Variants in CCDC39 observed in about 807,000 individuals in gnomAD.
CCDC39 encodes the protein coiled-coil domain-containing protein 39.
Under a neutral mutation model 121.0 loss-of-function variants are expected in CCDC39, and 113 were observed. The observed-to-expected ratio is 0.93, with a 90% CI of 0.80 to 1.09. CCDC39 has a LOEUF of 1.09. Among genes scored for constraint, CCDC39 ranks in the 50% least tolerant of loss-of-function variants. The probability of loss-of-function intolerance (pLI) is 0.00; values close to 1 mark genes in which losing one functional copy is unlikely to be tolerated. For synonymous variants in CCDC39, 349 were observed against 352.2 expected, an observed-to-expected ratio of 0.99 and a Z score of 0.10; for missense variants, 1,063 against 1,074.7, an observed-to-expected ratio of 0.99 and a Z score of 0.15.
At chr3:180,630,365 A>G (rs1257729691) in intron 14 of CCDC39, among the ~76,000 whole-genome samples, 4 of 152,116 alleles carry the variant, frequency 2.6e-5, no homozygotes, top group Non-Finnish European at 4.4e-5. Context: ...CTGATTTCTC[A>G]TAGGGAAGGC....
chr3:180,656,997 T>G (rs1324118956), intron 6 of CCDC39, among the ~76,000 whole-genome samples: 2 of 152,192 alleles, frequency 1.3e-5, no homozygotes, highest in Admixed American at 6.5e-5. Context: ...GGAATAGCCA[T>G]TCCTTTATTC....
At chr3:180,623,496 T>G (rs558113556) in intron 14 of CCDC39, among the ~76,000 whole-genome samples, 112 of 152,174 alleles carry the variant, frequency 7.4e-4, no homozygotes, top group African/African-American at 2.7e-3. Flanking sequence ...AACTTTGGTT[T>G]GGTTTTGTTT....
At chr3:180,642,775 C>T (rs570799625) in intron 12 of CCDC39, among the ~76,000 whole-genome samples, 3 of 151,644 alleles carry the variant, frequency 2.0e-5, no homozygotes, top group Non-Finnish European at 2.9e-5. Flanking sequence ...ATGAAATCAA[C>T]GTAACTACTA....
At position 180,659,714 on chromosome 3, in the gene CCDC39, A is replaced by G; in HGVS notation, c.572T>C (p.Ile191Thr). The G allele has an allele frequency of 6.2e-7, 1 of 1,612,706 alleles. No individual in the cohort carries two copies. Among genetic ancestry groups the G allele is most frequent in the Non-Finnish European group, 8.5e-7 (1 of 1,179,378 alleles). The stretch of plus-strand genomic sequence containing the variant: ...AGTCTCTGTAAGTTCGTTGTCAAGT[A>G]TCTTTCTTTTCTGATTACATTCCAA... ...LTLECNQKRK[I>T]LDNELTETIS... Residue 191 changes from isoleucine to threonine, a missense_variant, in exon 5 of 20, where the codon ATA becomes ACA. Ile to Thr is a moderately conservative substitution (Grantham distance 89). Coordinates refer to ENST00000476379, the MANE Select transcript of CCDC39 (RefSeq NM_181426.2).
At chr3:180,631,762 G>A (rs1400008738) in intron 13 of CCDC39, among the ~76,000 whole-genome samples, 170 bp from the exon 14 acceptor site, 4 of 150,822 alleles carry the variant, frequency 2.7e-5, no homozygotes, top group African/African-American at 9.8e-5. Flanking sequence ...TGTTCTTATT[G>A]AAGACATTTG....
At chr3:180,625,314 T>C (rs1717531567) in intron 14 of CCDC39, among the ~76,000 whole-genome samples, 1 of 152,130 alleles carries the variant, frequency 6.6e-6, no homozygotes, top group African/African-American at 2.4e-5. Flanking sequence ...TAGTCTGTTA[T>C]TGACTCTTTC....
At chr3:180,660,011 A>G (rs1010237349) in intron 4 of CCDC39, among the ~76,000 whole-genome samples, 1 of 152,130 alleles carries the variant, frequency 6.6e-6, no homozygotes, top group Non-Finnish European at 1.5e-5. Flanking sequence ...AAAGTAAATT[A>G]GAAAAAAGAT....
chr3:180,655,922 TG>T (rs1026401110), intron 6 of CCDC39, among the ~76,000 whole-genome samples: 3 of 152,238 alleles, frequency 2.0e-5, no homozygotes, highest in Non-Finnish European at 4.4e-5. Context: ...GTGTATTACT[TG>T]CATGTATTCC....
At chr3:180,623,804 C>A (rs530890250) in intron 14 of CCDC39, among the ~76,000 whole-genome samples, 46 of 151,974 alleles carry the variant, frequency 3.0e-4, no homozygotes, top group African/African-American at 1.0e-3. Flanking sequence ...TTTCACTCCA[C>A]TGTGGTCTGA....
At chr3:180,665,722 T>C (rs1431033144) in intron 1 of CCDC39, among the ~76,000 whole-genome samples, 1 of 151,896 alleles carries the variant, frequency 6.6e-6, no homozygotes, top group Non-Finnish European at 1.5e-5. Context: ...AGTCTCTTTA[T>C]TGTTTTCTAA....
intron 2 of CCDC39, among the ~76,000 whole-genome samples, chr3:180,662,656 T>C (rs950838370): frequency 2.0e-5 from 3 of 152,190 alleles, no homozygotes; most frequent in South Asian, 2.1e-4. Flanking sequence ...ACAGAGTCTC[T>C]GCCTCTCCAA....
chr3:180,661,837 T>C, intron 3 of CCDC39, 24 bp downstream of exon 3: 25 of 1,556,922 alleles, frequency 1.6e-5, no homozygotes, highest in Non-Finnish European at 2.2e-5. Flanking sequence ...AGCACAGAAT[T>C]TTAAGTAATA....
In CCDC39 at chr3:180,663,952, T is replaced by A; in HGVS notation, c.125A>T (p.Gln42Leu). Reference sequence around the variant, plus strand: ...CTCTTCATACTCACGTAACTCATCTTGCAAGCTTGCTCTTTCATCCTTCAG... The same window carrying A: ...CTCTTCATACTCACGTAACTCATCTAGCAAGCTTGCTCTTTCATCCTTCAG... ...SKLKDERASL[Q>L]DELREYEERI... is the part of the protein sequence containing the mutation. The change falls in exon 2 of 20, where the codon CAA becomes CTA. Residue 42 changes from glutamine to leucine, a missense_variant. Physicochemically the swap from Gln to Leu is moderately radical, Grantham distance 113. Coordinates refer to ENST00000476379, the MANE Select transcript of CCDC39 (RefSeq NM_181426.2). 6.2e-7 allele frequency: 1 copy of A among 1,612,208 alleles called. No individual in the cohort carries two copies.
chr3:180,663,073 T>A (rs183914006), intron 2 of CCDC39, among the ~76,000 whole-genome samples: 8 of 152,292 alleles, frequency 5.3e-5, no homozygotes, highest in African/African-American at 1.9e-4. Flanking sequence ...TATGTTAACA[T>A]TTCTAAGATG....
intron 7 of CCDC39, among the ~76,000 whole-genome samples, chr3:180,652,669 TAATC>T (rs977280903): frequency 1.8e-4 from 28 of 152,280 alleles, no homozygotes; most frequent in South Asian, 4.1e-4. Context: ...ATTTTACTGT[TAATC>T]AATAGTAAAC....
At chr3:180,645,466 C>T (rs796076075) in intron 11 of CCDC39, among the ~76,000 whole-genome samples, 5 of 152,102 alleles carry the variant, frequency 3.3e-5, no homozygotes, top group African/African-American at 1.2e-4. Flanking sequence ...TCTCTTCCTC[C>T]CTCTATCCGT....
At chr3:180,642,838 T>C (rs911050962) in intron 12 of CCDC39, among the ~76,000 whole-genome samples, 4 of 150,130 alleles carry the variant, frequency 2.7e-5, no homozygotes, top group African/African-American at 9.8e-5. Flanking sequence ...TTTCTAAGCA[T>C]AAAAATTAAA....
intron 7 of CCDC39, among the ~76,000 whole-genome samples, chr3:180,652,533 C>T (rs1711506216): frequency 6.6e-6 from 1 of 152,004 alleles, no homozygotes; most frequent in African/African-American, 2.4e-5. Flanking sequence ...ATCACTAGAC[C>T]TGCTCAGAAA....
At chr3:180,618,310 TAAAAC>T (rs915011322) in intron 16 of CCDC39, among the ~76,000 whole-genome samples, 4 of 152,092 alleles carry the variant, frequency 2.6e-5, no homozygotes, top group African/African-American at 4.8e-5. Flanking sequence ...TTGGAAAAAA[TAAAAC>T]AATGACAATT....
Sources: gnomAD v4.1 joint callset for allele counts (sites outside exome capture counted in the v4.1 genomes callset) on GRCh38, gnomAD v4.1.1 for gene constraint, MANE v1.5 for transcripts, NCBI Gene and HGNC (gene_info 2026-07-23, HGNC 2026-07-21) for gene names.